Variants in VSTM4 observed in about 807,000 individuals in gnomAD.
The protein encoded by VSTM4 is V-set and transmembrane domain containing 4.
Under a neutral mutation model 36.4 loss-of-function variants are expected in VSTM4, and 20 were observed. The observed-to-expected ratio is 0.55, with a 90% CI of 0.39 to 0.80. The LOEUF (loss-of-function observed/expected upper bound fraction) is 0.80, where lower values mean the gene tolerates loss of function less well. Among genes scored for constraint, VSTM4 ranks in the 30% least tolerant of loss-of-function variants. The pLI, the probability that VSTM4 is intolerant of heterozygous loss-of-function variation, is 0.00. For missense variants in VSTM4, 392 were observed against 404.5 expected, an observed-to-expected ratio of 0.97 and a Z score of 0.26; for synonymous variants, 182 against 173.9, an observed-to-expected ratio of 1.05 and a Z score of -0.37.
chr10:49,099,838 C>A (rs573915492), intron 2 of VSTM4, among the ~76,000 whole-genome samples: 11 of 152,172 alleles, frequency 7.2e-5, no homozygotes, highest in Admixed American at 2.6e-4. Flanking sequence ...AGAGACAGAG[C>A]AAAACCCTGT....
intron 5 of VSTM4, among the ~76,000 whole-genome samples, chr10:49,058,407 T>C (rs1843819771): frequency 6.6e-6 from 1 of 152,088 alleles, no homozygotes; most frequent in South Asian, 2.1e-4. Flanking sequence ...TCACTCCGGG[T>C]TTCCAGGAAT....
chr10:49,047,136 T>C (rs1378688778), intron 6 of VSTM4, 92 bp from the exon 7 acceptor site: 1 of 1,275,208 alleles, frequency 7.8e-7, no homozygotes, highest in African/African-American at 1.5e-5. Flanking sequence ...TTCTGAGAGG[T>C]CTCATACCCC....
At chr10:49,104,977 GGAGACAGAGACACAGA>G (rs1844742501) in intron 2 of VSTM4, among the ~76,000 whole-genome samples, 1 of 128,514 alleles carries the variant, frequency 7.8e-6, no homozygotes, top group Admixed American at 7.8e-5. Context: ...AGACACAGAG[GGAGACAGAGACACAGA>G]GAGACAGAGA....
intron 7 of VSTM4, among the ~76,000 whole-genome samples, chr10:49,035,757 G>A (rs984172355): frequency 1.3e-5 from 2 of 150,796 alleles, no homozygotes; most frequent in African/African-American, 4.9e-5. Flanking sequence ...AGGATCAGTT[G>A]AGCCCAGGAG....
intron 5 of VSTM4, among the ~76,000 whole-genome samples, chr10:49,058,056 A>G (rs1183961797): frequency 2.0e-5 from 3 of 152,196 alleles, no homozygotes; most frequent in Non-Finnish European, 4.4e-5. Flanking sequence ...ATGAGAGGCC[A>G]TTGGACCTCT....
intron 4 of VSTM4, among the ~76,000 whole-genome samples, chr10:49,074,857 A>G (rs999359389): frequency 5.3e-5 from 8 of 152,156 alleles, no homozygotes; most frequent in African/African-American, 1.9e-4. Context: ...GAAACTGCCT[A>G]TGTTGCTTCC....
At chr10:49,073,343 C>T (rs1190756633) in intron 4 of VSTM4, among the ~76,000 whole-genome samples, 1 of 152,174 alleles carries the variant, frequency 6.6e-6, no homozygotes, top group African/African-American at 2.4e-5. Context: ...GTGGAAGGTA[C>T]AGGGCTTAGA....
intron 5 of VSTM4, among the ~76,000 whole-genome samples, chr10:49,050,519 C>T (rs1408778881): frequency 6.6e-6 from 1 of 152,164 alleles, no homozygotes; most frequent in Non-Finnish European, 1.5e-5. Context: ...TGAGATTCCC[C>T]AAAGATGCCT....
intron 3 of VSTM4, among the ~76,000 whole-genome samples, chr10:49,079,621 C>T (rs745985265): frequency 7.2e-5 from 11 of 152,134 alleles, no homozygotes; most frequent in Non-Finnish European, 1.3e-4. Flanking sequence ...TAAAAATGCA[C>T]ACACAAAGGC....
intron 2 of VSTM4, among the ~76,000 whole-genome samples, chr10:49,097,151 G>A (rs770701174): frequency 3.9e-5 from 6 of 152,202 alleles, no homozygotes; most frequent in African/African-American, 7.2e-5. Context: ...CTTAGGACAC[G>A]TGGCACTCAG....
At chr10:49,053,208 T>C (rs1843725585) in intron 5 of VSTM4, among the ~76,000 whole-genome samples, 1 of 152,212 alleles carries the variant, frequency 6.6e-6, no homozygotes, top group African/African-American at 2.4e-5. Context: ...AGAAGTGCTA[T>C]TTGTGGGAGC....
At chr10:49,044,583 A>AAAG (rs147859673) in intron 7 of VSTM4, among the ~76,000 whole-genome samples, 36,313 of 151,560 alleles carry the variant, frequency 0.24, 4,744 homozygotes, top group Non-Finnish European at 0.29. Flanking sequence ...AAAGAAAAGA[A>AAAG]AAAGGAGGGA....
intron 7 of VSTM4, among the ~76,000 whole-genome samples, chr10:49,027,395 C>T (rs1319345100): frequency 6.6e-6 from 1 of 152,212 alleles, no homozygotes; most frequent in Non-Finnish European, 1.5e-5. Flanking sequence ...ATTACAGTTC[C>T]ACTCATGCCT....
chr10:49,093,846 C>T (rs1005379413), intron 2 of VSTM4, among the ~76,000 whole-genome samples: 2 of 146,362 alleles, frequency 1.4e-5, no homozygotes, highest in African/African-American at 2.5e-5. Context: ...TTCCCGGGTT[C>T]ACGCCGTCCT....
intron 6 of VSTM4, among the ~76,000 whole-genome samples, chr10:49,048,002 A>G (rs1050423539): frequency 1.3e-5 from 2 of 152,200 alleles, no homozygotes; most frequent in African/African-American, 4.8e-5. Context: ...GCTCTAAATC[A>G]TAACTGGAAT....
At position 49,086,043 on chromosome 10, in the gene VSTM4, C is replaced by T. The variant is rs1401863252; in HGVS notation, c.458-20G>A. The T allele has an allele frequency of 1.3e-6, 2 of 1,534,984 alleles. No individual in the cohort carries two copies. The highest frequency in any genetic ancestry group is 1.8e-6 in the Non-Finnish European group (2 of 1,131,332). On this transcript the variant is annotated intron_variant, in intron 2 of 7. Transcript: ENST00000332853. ...AAATGACTGAAAGACAAAAAAGAAACAGCACAGTATGAAAAAATAATGCCA... is the reference window on the plus strand; with the variant it reads ...AAATGACTGAAAGACAAAAAAGAAATAGCACAGTATGAAAAAATAATGCCA...
intron 4 of VSTM4, among the ~76,000 whole-genome samples, chr10:49,067,623 C>T (rs1240941680): frequency 6.6e-6 from 1 of 152,222 alleles, no homozygotes; most frequent in Non-Finnish European, 1.5e-5. Context: ...GTCTCTAAAG[C>T]CCAGGAGAGA....
Position 49,091,602 on chromosome 10 carries a change from C to G in VSTM4, c.458-5579G>C, listed in dbSNP as rs950541294. ...TTGGAAAGAACACCCTGCCAACTTC[C>G]CTGGGGAGGGCATGTTTCACAGGTG... On this transcript the variant is annotated intron_variant, in intron 2 of 7. Coordinates refer to ENST00000332853, the MANE Select transcript of VSTM4 (RefSeq NM_001031746.5). Among the ~76,000 whole-genome samples, 3 of 152,274 alleles carry G rather than the reference C, an allele frequency of 2.0e-5. No individual in the cohort carries two copies. The East Asian group carries it at 5.8e-4, about 29-fold the overall frequency.
At chr10:49,112,634 G>A (rs988791074) in intron 1 of VSTM4, among the ~76,000 whole-genome samples, 12 of 152,228 alleles carry the variant, frequency 7.9e-5, no homozygotes, top group Admixed American at 1.3e-4. Context: ...AGTGGGCTTC[G>A]TGGGCCCACG....
Sources: gnomAD v4.1 joint callset for allele counts (sites outside exome capture counted in the v4.1 genomes callset) on GRCh38, gnomAD v4.1.1 for gene constraint, MANE v1.5 for transcripts, NCBI Gene and HGNC (gene_info 2026-07-23, HGNC 2026-07-21) for gene names.